Variants in SORCS2 observed in about 807,000 individuals in gnomAD.
SORCS2 encodes the protein sortilin related VPS10 domain containing receptor 2.
Under a neutral mutation model 141.6 loss-of-function variants are expected in SORCS2, and 100 were observed. The observed-to-expected ratio is 0.71, with a 90% CI of 0.60 to 0.83. SORCS2 has a LOEUF of 0.83. SORCS2 is among the 40% of genes least tolerant of loss of function. The pLI, the probability that SORCS2 is intolerant of heterozygous loss-of-function variation, is 0.00. For synonymous variants in SORCS2, 789 were observed against 676.9 expected (o/e 1.17, Z -2.57); for missense variants, 1,646 against 1,560.2 (o/e 1.05, Z -0.93).
At chr4:7,469,949 C>T (rs1332318990) in intron 2 of SORCS2, among the ~76,000 whole-genome samples, 1 of 152,122 alleles carries the variant, frequency 6.6e-6, no homozygotes, top group South Asian at 2.1e-4. Context: ...TCTTCATGCT[C>T]AGCACTCTTA....
intron 1 of SORCS2, among the ~76,000 whole-genome samples, chr4:7,334,130 G>A (rs1719839524): frequency 6.6e-6 from 1 of 152,134 alleles, no homozygotes; most frequent in Non-Finnish European, 1.5e-5. Context: ...GCCCACGAGG[G>A]CGGCACAAGT....
intron 2 of SORCS2, among the ~76,000 whole-genome samples, chr4:7,505,900 C>G (rs1732249085): frequency 6.6e-6 from 1 of 152,214 alleles, no homozygotes; most frequent in Non-Finnish European, 1.5e-5. Context: ...AACTGAGAAT[C>G]AGGCCTGGTG....
intron 1 of SORCS2, among the ~76,000 whole-genome samples, chr4:7,307,570 T>C (rs996194044): frequency 6.6e-6 from 1 of 152,234 alleles, no homozygotes; most frequent in Non-Finnish European, 1.5e-5. Flanking sequence ...TCCGCCGCCA[T>C]GCCTGTCGAG....
intron 3 of SORCS2, among the ~76,000 whole-genome samples, chr4:7,565,703 G>A (rs1427193913): frequency 2.0e-5 from 3 of 151,522 alleles, no homozygotes; most frequent in South Asian, 4.2e-4. Context: ...TTATGATGAT[G>A]ACGGTGGTGA....
chr4:7,739,511 GC>G (rs1326010971), intron 26 of SORCS2, among the ~76,000 whole-genome samples: 4 of 152,216 alleles, frequency 2.6e-5, no homozygotes, highest in African/African-American at 9.7e-5. Flanking sequence ...TGCCAATGCA[GC>G]AGCCGCACTT....
chr4:7,556,376 G>A (rs1247628869), intron 3 of SORCS2, among the ~76,000 whole-genome samples: 1 of 152,058 alleles, frequency 6.6e-6, no homozygotes, highest in Non-Finnish European at 1.5e-5. Context: ...AGCTCCAGGG[G>A]GCGCTGGGCT....
At chr4:7,563,260 G>A (rs1577755963) in intron 3 of SORCS2, among the ~76,000 whole-genome samples, 1 of 152,102 alleles carries the variant, frequency 6.6e-6, no homozygotes, top group Admixed American at 6.5e-5. Flanking sequence ...ATGACTGCAT[G>A]CCACCACCGT....
At position 7,412,754 on chromosome 4, in the gene SORCS2, C is replaced by T. The variant is rs1377950284; in HGVS notation, c.548+16399C>T. ...GTCTCCCCAAGCACCCTTGCTGCTT[C>T]ACCTGTCCCCCTGGGCTCAGCTGTC... On this transcript the variant is annotated intron_variant, in intron 2 of 26. Transcript: ENST00000507866. Among the ~76,000 whole-genome samples, 7 of 152,138 alleles carry T rather than the reference C, an allele frequency of 4.6e-5. No individual in the cohort carries two copies. In the East Asian group the frequency reaches 1.2e-3, roughly 25 times the overall value.
chr4:7,214,969 A>G (rs555635820), intron 1 of SORCS2, among the ~76,000 whole-genome samples: 7 of 149,692 alleles, frequency 4.7e-5, no homozygotes, highest in Admixed American at 1.3e-4. Context: ...GCGTGCTGGC[A>G]GTCCTCACGG....
At chr4:7,289,927 C>T (rs919048000) in intron 1 of SORCS2, among the ~76,000 whole-genome samples, 4 of 152,174 alleles carry the variant, frequency 2.6e-5, no homozygotes, top group Admixed American at 6.5e-5. Context: ...GCACCCTGAT[C>T]GCAGCCAGGG....
chr4:7,653,719 C>T (rs1007710379), intron 4 of SORCS2, among the ~76,000 whole-genome samples: 16 of 152,214 alleles, frequency 1.1e-4, no homozygotes, highest in African/African-American at 3.9e-4. Context: ...GTAGATGCCA[C>T]ACCCCTGCTC....
intron 12 of SORCS2, among the ~76,000 whole-genome samples, chr4:7,700,899 C>A (rs1725026964): frequency 6.6e-6 from 1 of 152,226 alleles, no homozygotes; most frequent in Non-Finnish European, 1.5e-5. Context: ...GGGTTGGTGT[C>A]TGGCAGTCAC....
intron 1 of SORCS2, among the ~76,000 whole-genome samples, chr4:7,336,403 C>T (rs55866152): frequency 5.7e-5 from 7 of 122,856 alleles, no homozygotes; most frequent in Non-Finnish European, 1.1e-4. Context: ...CCCTTGGCCC[C>T]GGCTGAGATC....
At chr4:7,668,029 T>A (rs976823769) in intron 8 of SORCS2, among the ~76,000 whole-genome samples, 64 of 152,298 alleles carry the variant, frequency 4.2e-4, no homozygotes, top group African/African-American at 1.4e-3. Flanking sequence ...ACATGCATAG[T>A]TGAGAAACAG....
In SORCS2 at chr4:7,438,215, A is replaced by C. The variant is rs1402990598; in HGVS notation, c.548+41860A>C. 2.0e-5 allele frequency among the ~76,000 whole-genome samples: 3 copies of C among 152,246 alleles called. No homozygotes were observed. The East Asian group carries it at 5.8e-4, about 29-fold the overall frequency. ...GGTGCCTCAGAGGCCTTCCATCGGG[A>C]GCTGATGGCAGCTTTGTGTTTTCTT... On this transcript the variant is annotated intron_variant, in intron 2 of 26. Coordinates refer to ENST00000507866, the MANE Select transcript of SORCS2 (RefSeq NM_020777.3).
At chr4:7,498,281 A>C (rs1482482625) in intron 2 of SORCS2, among the ~76,000 whole-genome samples, 3 of 152,214 alleles carry the variant, frequency 2.0e-5, no homozygotes, top group Non-Finnish European at 4.4e-5. Context: ...TGGGTGACCC[A>C]GTCCCCTGCC....
At chr4:7,649,773 C>G (rs1721314466) in intron 4 of SORCS2, among the ~76,000 whole-genome samples, 1 of 152,118 alleles carries the variant, frequency 6.6e-6, no homozygotes, top group Admixed American at 6.5e-5. Context: ...GACCTGTTTC[C>G]CTTCTGAGAT....
intron 2 of SORCS2, chr4:7,431,498 A>G (rs1424874405): frequency 6.6e-6 from 1 of 152,202 alleles, no homozygotes; most frequent in Non-Finnish European, 1.5e-5. Context: ...TGTCCCAGAG[A>G]GTGTGTCAGG....
intron 2 of SORCS2, among the ~76,000 whole-genome samples, chr4:7,484,685 CCTCTCTTTAGAGAA>C (rs776574263): frequency 2.0e-5 from 3 of 152,194 alleles, no homozygotes; most frequent in Admixed American, 2.0e-4. Context: ...ACAAAATGAT[CCTCTCTTTAGAGAA>C]CTCTGAGCTG....
Sources: allele counts gnomAD v4.1 joint callset (sites outside exome capture counted in the v4.1 genomes callset), GRCh38; gene constraint gnomAD v4.1.1; transcripts MANE v1.5; gene names NCBI Gene and HGNC (gene_info 2026-07-23, HGNC 2026-07-21).